LRRC41: variants seen among roughly 807,000 people sequenced by gnomAD.
LRRC41 encodes leucine-rich repeat-containing protein 41.
A neutral mutation model predicts 72.1 loss-of-function variants in LRRC41; 17 were observed. The ratio of observed to expected loss-of-function variants is 0.24; its 90% CI spans 0.16 to 0.35. LRRC41 has a LOEUF of 0.35. Among genes scored for constraint, LRRC41 ranks in the 10% least tolerant of loss-of-function variants. The probability of loss-of-function intolerance (pLI) is 1.00; values close to 1 mark genes in which losing one functional copy is unlikely to be tolerated. For synonymous variants in LRRC41, 427 were observed against 431.0 expected (o/e 0.99, Z 0.11); for missense variants, 759 against 1,065.0 (o/e 0.71, Z 4.00).
At chr1:46,287,421 T>G (rs992658148) in intron 3 of LRRC41, among the ~76,000 whole-genome samples, 20 of 152,102 alleles carry the variant, frequency 1.3e-4, no homozygotes, top group Non-Finnish European at 2.9e-5. Context: ...AACTTCTGAT[T>G]CTTACCACCA....
Position 46,297,596 on chromosome 1 carries a change from A to T in LRRC41, c.324T>A (p.Asp108Glu). ...STQAIWRRLW[D>E]ELMKTRPSSL... ...TGGAAGGCCTTGTCTTCATCAGTTC[A>T]TCCCAGAGTCGGCGCCAGATGGCCT... is the stretch of plus-strand genomic sequence containing the variant. The change falls in exon 3 of 10, where the codon GAT becomes GAA. Residue 108 changes from aspartate (D) to glutamate (E), a missense_variant. Physicochemically the swap from Asp to Glu is conservative, Grantham distance 45. This residue lies in a region of LRRC41 where 116 missense variants were observed against 250.9 expected (regional missense o/e 0.46). Transcript: ENST00000617190. The T allele has an allele frequency of 6.2e-7, 1 of 1,614,236 alleles. No homozygotes were observed. Among genetic ancestry groups the T allele is most frequent in the East Asian group, 2.2e-5 (1 of 44,890 alleles).
Position 46,285,115 on chromosome 1 carries a change from T to C in LRRC41, c.1495+247A>G. 1 of 549,748 alleles carries C rather than the reference T, an allele frequency of 1.8e-6. No individual in the cohort carries two copies. Among genetic ancestry groups the C allele is most frequent in the Non-Finnish European group, 3.3e-6 (1 of 303,664 alleles). The allele number at this position is 549,748 out of a possible 1,614,324, so 34.1% of individuals were successfully genotyped here. A position where few individuals can be genotyped will look rare whatever the true frequency, so the allele number is the denominator to read the frequency against. On this transcript the variant is annotated intron_variant, in intron 4 of 9. Coordinates refer to ENST00000617190, the MANE Select transcript of LRRC41 (RefSeq NM_006369.5). This position sits in a 1 kb window ranked among gnomAD's most constrained non-coding sequence, Gnocchi z 5.3. ...TCCATATCTAAAATGTATTCATTCT[T>C]CAGATTCCAGCTGGCTTGTCTCACT... is the stretch of plus-strand genomic sequence containing the variant.
chr1:46,277,839 T>C lies in LRRC41; in HGVS notation c.*1026A>G. On this transcript the variant is annotated 3_prime_UTR_variant, in exon 10 of 10. Coordinates refer to ENST00000617190, the MANE Select transcript of LRRC41 (RefSeq NM_006369.5). The stretch of plus-strand genomic sequence containing the variant: ...CAGGCAGGGACCATTGAGGAGAAGA[T>C]CTTCCAGCGTCAGAGCCACAAGAAG... The C allele has an allele frequency of 6.2e-7, 1 of 1,611,808 alleles. No homozygotes were observed. The highest frequency in any genetic ancestry group is 1.1e-5 in the South Asian group (1 of 91,026).
rs532382398 is a variant in LRRC41 at position 46,280,921 on chromosome 1, ACT to A, written c.1756+202_1756+203del. On this transcript the variant is annotated intron_variant, in intron 5 of 9. Coordinates refer to ENST00000617190, the MANE Select transcript of LRRC41 (RefSeq NM_006369.5). ...TTCTGGAGACCAAGCTGCCTTGGTC[ACT>A]CTCTGCTGGTCTTATGGTGGTTTAG... 3.8e-4 allele frequency among the ~76,000 whole-genome samples: 58 copies of A among 152,256 alleles called. No individual in the cohort carries two copies. In the East Asian group the frequency reaches 0.01, roughly 26 times the overall value.
At position 46,285,689 on chromosome 1, in the gene LRRC41, G is replaced by A. The variant is rs774299399; in HGVS notation, c.1168C>T (p.Arg390Cys). Residue 390 changes from arginine (R) to cysteine (C), a missense_variant, in exon 4 of 10, where the codon CGT (arginine) becomes TGT (cysteine). Physicochemically the swap from Arg to Cys is radical, Grantham distance 180 (BLOSUM62 -3). Coordinates refer to ENST00000617190, the MANE Select transcript of LRRC41 (RefSeq NM_006369.5). The surrounding 1 kb of genome is among the most constrained non-coding windows in gnomAD (Gnocchi z 5.3). ...TTCTTCCCTGCAGCTCGCTTGAAAC[G>A]CTTTAGGGGCTTAGGCTGTGGGGCT... ...SSAPQPKPLK[R>C]FKRAAGKKGA... The A allele has an allele frequency of 5.6e-6, 9 of 1,614,002 alleles. No homozygotes were observed. The highest frequency in any genetic ancestry group is 2.2e-5 in the East Asian group (1 of 44,884).
At position 46,278,444 on chromosome 1, in the gene LRRC41, TA is replaced by T; in HGVS notation, c.*420del. ...ATTTTATAAGAAAAACTTTTTTGGT[TA>T]AAAAAAAGAATAAAGGTATGAAAGG... On this transcript the variant is annotated 3_prime_UTR_variant, in exon 10 of 10. Transcript: ENST00000617190. 42 of 882,618 alleles carry T rather than the reference TA, an allele frequency of 4.8e-5. No individual in the cohort carries two copies. Among genetic ancestry groups the T allele is most frequent in the South Asian group, 6.1e-5 (4 of 65,054 alleles). 54.7% of individuals were successfully genotyped at this position (882,618 alleles called of 1,614,324 possible). A position where few individuals can be genotyped will look rare whatever the true frequency, so the allele number is the denominator to read the frequency against.
At chr1:46,291,439 A>G (rs972443709) in intron 3 of LRRC41, among the ~76,000 whole-genome samples, 2 of 151,950 alleles carry the variant, frequency 1.3e-5, no homozygotes, top group African/African-American at 4.8e-5. Context: ...GGCTCATGCA[A>G]TCTTCCTGCC....
In LRRC41 at chr1:46,285,114, T is replaced by C. The variant is rs1660857827; in HGVS notation, c.1495+248A>G. 2 of 549,076 alleles carry C rather than the reference T, an allele frequency of 3.6e-6. No homozygotes were observed. Among genetic ancestry groups the C allele is most frequent in the African/African-American group, 3.8e-5 (2 of 53,002 alleles). The allele number at this position is 549,076 out of a possible 1,614,324, so 34.0% of individuals were successfully genotyped here. ...TTCCATATCTAAAATGTATTCATTC[T>C]TCAGATTCCAGCTGGCTTGTCTCAC... On this transcript the variant is annotated intron_variant, in intron 4 of 9. Coordinates refer to ENST00000617190, the MANE Select transcript of LRRC41 (RefSeq NM_006369.5). This position sits in a 1 kb window ranked among gnomAD's most constrained non-coding sequence, Gnocchi z 5.3.
intron 1 of LRRC41, among the ~76,000 whole-genome samples, chr1:46,301,050 G>A (rs1661211644): frequency 6.6e-6 from 1 of 152,100 alleles, no homozygotes. Context: ...TCAGTAAACT[G>A]TCAATTGTTT....
In LRRC41 at chr1:46,278,347, C is replaced by T. The variant is rs1660687459; in HGVS notation, c.*518G>A. 11 of 1,491,122 alleles carry T rather than the reference C, an allele frequency of 7.4e-6. No homozygotes were observed. The South Asian group carries it at 1.2e-4, about 16-fold the overall frequency. 92.4% of individuals were successfully genotyped at this position (1,491,122 alleles called of 1,614,324 possible). On this transcript the variant is annotated 3_prime_UTR_variant, in exon 10 of 10. Transcript: ENST00000617190. ...TAGGGAAAAGGGGCTCCTTGCTCCA[C>T]AGGGCCCTGTTGAATTTTGTTCTCT...
Position 46,303,117 on chromosome 1 carries a change from G to A in LRRC41, c.199+7C>T. The A allele has an allele frequency of 7.3e-7, 1 of 1,362,974 alleles. No homozygotes were observed. Among genetic ancestry groups the A allele is most frequent in the South Asian group, 1.7e-5 (1 of 57,622 alleles). 84.4% of individuals were successfully genotyped at this position (1,362,974 alleles called of 1,614,324 possible). A position where few individuals can be genotyped will look rare whatever the true frequency, so the allele number is the denominator to read the frequency against. ...AGCCAGAGGTAGCCCCTCACCCCGC[G>A]ACTTACCCCACACCCCGCTCTCCAG... is the stretch of plus-strand genomic sequence containing the variant. On this transcript the variant is annotated splice_region_variant and intron_variant, in intron 1 of 9. Coordinates refer to ENST00000617190, the MANE Select transcript of LRRC41 (RefSeq NM_006369.5).
rs375820021 is a variant in LRRC41, at chr1:46,289,532, CG to C, written c.358-3034del. Among the ~76,000 whole-genome samples, 1,277 of 151,982 alleles carry C rather than the reference CG, an allele frequency of 8.4e-3. 21 individuals are homozygous for C. The highest frequency in any genetic ancestry group is 0.038 in the Middle Eastern group (11 of 292). On this transcript the variant is annotated intron_variant, in intron 3 of 9. Transcript: ENST00000617190. ...ATCCCAGCACTTTGGGAGGCCGAGG[CG>C]GGGGGGATCACAAGGTCAGGAGATC...
chr1:46,282,945 A>C (rs921435225), intron 4 of LRRC41, among the ~76,000 whole-genome samples: 4 of 150,796 alleles, frequency 2.7e-5, no homozygotes, highest in African/African-American at 9.8e-5. Flanking sequence ...AATTGCTTGG[A>C]CCCGAGAGGC....
chr1:46,281,083 A>G (rs898769872), intron 5 of LRRC41, 42 bp downstream of exon 5: 30 of 1,604,088 alleles, frequency 1.9e-5, no homozygotes, highest in Non-Finnish European at 2.5e-5. Context: ...GTGTGGGGAT[A>G]CACGTGCGTG....
chr1:46,285,263 C>A lies in LRRC41; in HGVS notation c.1495+99G>T. 1 of 1,204,002 alleles carries A rather than the reference C, an allele frequency of 8.3e-7. No homozygotes were observed. The highest frequency in any genetic ancestry group is 1.2e-6 in the Non-Finnish European group (1 of 833,882). 74.6% of individuals were successfully genotyped at this position (1,204,002 alleles called of 1,614,324 possible). On this transcript the variant is annotated intron_variant, in intron 4 of 9. Coordinates refer to ENST00000617190, the MANE Select transcript of LRRC41 (RefSeq NM_006369.5). The surrounding 1 kb of genome is among the most constrained non-coding windows in gnomAD (Gnocchi z 5.3). ...AAGCCTTCCTCTCTAACCTCCTGAT[C>A]ATACCCCCAATTTGCCCCTCCCACC...
intron 7 of LRRC41, 21 bp downstream of exon 7, chr1:46,280,171 G>A: frequency 6.3e-7 from 1 of 1,587,044 alleles, no homozygotes; most frequent in Non-Finnish European, 8.7e-7. Flanking sequence ...GAAATGTCCA[G>A]GTTCTGAATA....
rs1176476153 is a variant in LRRC41, at chr1:46,280,247, A to G, written c.1965T>C (p.Asn655=). 3.1e-6 allele frequency: 5 copies of G among 1,614,048 alleles called. No homozygotes were observed. The highest frequency in any genetic ancestry group is 1.3e-5 in the African/African-American group (1 of 74,918). The change falls in exon 7 of 10, where the codon AAT becomes AAC. Residue 655 remains asparagine, a synonymous_variant. Transcript: ENST00000617190. ...GCACCTCGCTCTGACAGTCAGCGAG[A>G]TTCATGTCATGGAAGCTCAGTCTTT... ...ALKRLSFHDM[N]LADCQSEVLF...
chr1:46,293,798 A>G (rs969952352), intron 3 of LRRC41, among the ~76,000 whole-genome samples: 2 of 150,842 alleles, frequency 1.3e-5, no homozygotes, highest in South Asian at 2.1e-4. Flanking sequence ...GAGTCTCACT[A>G]TGTCACCGAG....
intron 3 of LRRC41, among the ~76,000 whole-genome samples, chr1:46,295,686 T>C (rs1661109235): frequency 6.6e-6 from 1 of 152,176 alleles, no homozygotes; most frequent in East Asian, 1.9e-4. Flanking sequence ...AAGAGAAAAA[T>C]ATAATCTTTA....
Sources: gnomAD v4.1 joint callset for allele counts (sites outside exome capture counted in the v4.1 genomes callset) on GRCh38, gnomAD v4.1.1 for gene constraint, gnomAD v4.1.1 regional missense constraint, Gnocchi (gnomAD v3.1) non-coding constraint, MANE v1.5 for transcripts, NCBI Gene and HGNC (gene_info 2026-07-23, HGNC 2026-07-21) for gene names.